The following NOVA1 variants were observed in gnomAD, a reference collection of about 807,000 sequenced individuals.
NOVA1 encodes RNA-binding protein Nova-1.
Under a neutral mutation model 38.0 loss-of-function variants are expected in NOVA1, and 7 were observed. The observed-to-expected ratio is 0.18, with a 90% CI of 0.10 to 0.35. NOVA1 has a LOEUF of 0.35. NOVA1 is among the 10% of genes least tolerant of loss of function. The pLI is 1.00. For synonymous variants in NOVA1, 270 were observed against 232.5 expected (o/e 1.16, Z -1.47); for missense variants, 460 against 616.0 (o/e 0.75, Z 2.68).
chr14:26,548,153 G>A (rs1890920211), intron 2 of NOVA1, among the ~76,000 whole-genome samples: 1 of 151,910 alleles, frequency 6.6e-6, no homozygotes, highest in Non-Finnish European at 1.5e-5. Context: ...TTATCACTCA[G>A]CATTTAATTA....
chr14:26,503,904 T>C (rs1399814901), intron 2 of NOVA1, among the ~76,000 whole-genome samples: 3 of 152,080 alleles, frequency 2.0e-5, no homozygotes, highest in African/African-American at 4.8e-5. Context: ...TGAAGTGCCC[T>C]GGTATGTTTG....
chr14:26,582,290 G>GT (rs768485104), intron 2 of NOVA1, among the ~76,000 whole-genome samples: 60 of 151,820 alleles, frequency 4.0e-4, no homozygotes, highest in Middle Eastern at 6.8e-3. Flanking sequence ...TTGCAATGCA[G>GT]TATCTACTTA....
chr14:26,457,648 G>C (rs996379567), intron 4 of NOVA1, among the ~76,000 whole-genome samples: 17 of 151,966 alleles, frequency 1.1e-4, no homozygotes, highest in African/African-American at 3.9e-4. Flanking sequence ...ACTGTTACTG[G>C]CTTATATATT....
intron 2 of NOVA1, among the ~76,000 whole-genome samples, chr14:26,494,467 G>A (rs1886602921): frequency 6.6e-6 from 1 of 152,168 alleles, no homozygotes; most frequent in South Asian, 2.1e-4. Flanking sequence ...AGGTGTAGAG[G>A]CAGACATTAA....
At chr14:26,506,922 G>A (rs995326123) in intron 2 of NOVA1, among the ~76,000 whole-genome samples, 2 of 152,038 alleles carry the variant, frequency 1.3e-5, no homozygotes, top group Admixed American at 1.3e-4. Context: ...ATTGGTATCA[G>A]ATATTTGATA....
chr14:26,495,534 T>C (rs893156666), intron 2 of NOVA1, among the ~76,000 whole-genome samples: 3 of 152,164 alleles, frequency 2.0e-5, no homozygotes, highest in African/African-American at 7.2e-5. Flanking sequence ...TTAGGGTAGA[T>C]GTGCACAATG....
intron 2 of NOVA1, among the ~76,000 whole-genome samples, chr14:26,591,718 T>C (rs555724088): frequency 2.6e-5 from 4 of 151,580 alleles, no homozygotes; most frequent in Non-Finnish European, 5.9e-5. Flanking sequence ...TTTCCCCTTT[T>C]CAAAATAAAA....
At chr14:26,463,032 CTTAA>C (rs1330813120) in intron 4 of NOVA1, among the ~76,000 whole-genome samples, 2 of 152,058 alleles carry the variant, frequency 1.3e-5, no homozygotes, top group African/African-American at 4.8e-5. Context: ...TTCTTAGCAA[CTTAA>C]TTTTCTTCAT....
Position 26,459,760 on chromosome 14 carries a change from C to T in NOVA1, c.520-10797G>A, listed in dbSNP as rs117455111. Among the ~76,000 whole-genome samples, 425 of 151,998 alleles carry T rather than the reference C, an allele frequency of 2.8e-3. 1 individual carries two copies. The highest frequency in any genetic ancestry group is 4.7e-3 in the Non-Finnish European group (321 of 67,904). On this transcript the variant is annotated intron_variant, in intron 4 of 4. Transcript: ENST00000539517. ...TATGGATTAATACTCTATGACATAA[C>T]CAAACTAAGTAACATTGGAAGTAAA...
chr14:26,498,191 C>G (rs1412508019), intron 2 of NOVA1, among the ~76,000 whole-genome samples: 1 of 151,762 alleles, frequency 6.6e-6, no homozygotes, highest in Admixed American at 6.6e-5. Context: ...TCCCGAGTAG[C>G]TGGGACTACA....
intron 3 of NOVA1, among the ~76,000 whole-genome samples, chr14:26,476,532 T>A (rs955505906): frequency 6.6e-6 from 1 of 152,124 alleles, no homozygotes; most frequent in South Asian, 2.1e-4. Flanking sequence ...TCAACAAATA[T>A]GATACCCTTC....
Position 26,447,822 on chromosome 14 carries a change from A to T in NOVA1, c.*137T>A. ...AAACACATATTATTTACATATACAC[A>T]TTGTCAACATAGTCGCATTCATTTG... On this transcript the variant is annotated 3_prime_UTR_variant, in exon 5 of 5. Transcript: ENST00000539517. 1 of 665,950 alleles carries T rather than the reference A, an allele frequency of 1.5e-6. No homozygotes were observed. Among genetic ancestry groups the T allele is most frequent in the Non-Finnish European group, 2.6e-6 (1 of 383,890 alleles). The allele number at this position is 665,950 out of a possible 1,614,324, so 41.3% of individuals were successfully genotyped here. A position where few individuals can be genotyped will look rare whatever the true frequency, so the allele number is the denominator to read the frequency against.
rs76815325 is a variant in NOVA1 at position 26,584,734 on chromosome 14, A to C, written c.280+10676T>G. 4.9e-3 allele frequency among the ~76,000 whole-genome samples: 745 copies of C among 151,534 alleles called. 4 individuals are homozygous for C. Among genetic ancestry groups the C allele is most frequent in the Middle Eastern group, 0.044 (13 of 294 alleles). ...CACTTTTGTTCACCAAGCAAATTAA[A>C]ATTCAGTCCCCAAAACCCTGTCAGC... On this transcript the variant is annotated intron_variant, in intron 2 of 4. Coordinates refer to ENST00000539517, the MANE Select transcript of NOVA1 (RefSeq NM_002515.3).
At chr14:26,502,780 T>C (rs1048760964) in intron 2 of NOVA1, among the ~76,000 whole-genome samples, 2 of 151,940 alleles carry the variant, frequency 1.3e-5, no homozygotes, top group African/African-American at 2.4e-5. Flanking sequence ...ACTCAAAAAA[T>C]AAAAATGTGC....
chr14:26,542,567 C>T (rs1233627224), intron 2 of NOVA1, among the ~76,000 whole-genome samples: 35 of 151,724 alleles, frequency 2.3e-4, no homozygotes. Flanking sequence ...CAGAACTTTA[C>T]TCCCAATAAA....
intron 2 of NOVA1, among the ~76,000 whole-genome samples, chr14:26,500,512 A>G (rs574297679): frequency 1.2e-4 from 18 of 152,154 alleles, no homozygotes; most frequent in African/African-American, 4.3e-4. Context: ...GAGAAAAAAA[A>G]AAGAGAAACA....
intron 4 of NOVA1, among the ~76,000 whole-genome samples, chr14:26,468,973 T>A (rs1884372601): frequency 6.6e-6 from 1 of 152,206 alleles, no homozygotes; most frequent in African/African-American, 2.4e-5. Context: ...TTTTGTTGAA[T>A]CTTAATGGAG....
At chr14:26,463,343 C>T (rs1247486119) in intron 4 of NOVA1, among the ~76,000 whole-genome samples, 1 of 152,156 alleles carries the variant, frequency 6.6e-6, no homozygotes, top group Non-Finnish European at 1.5e-5. Context: ...TAAACACACA[C>T]ACGTCTTGAA....
chr14:26,512,749 T>C (rs1450134215), intron 2 of NOVA1, among the ~76,000 whole-genome samples: 1 of 152,090 alleles, frequency 6.6e-6, no homozygotes, highest in Non-Finnish European at 1.5e-5. Flanking sequence ...ACATGTGGCA[T>C]AATTTGAAAA....
Sources: allele counts gnomAD v4.1 joint callset (sites outside exome capture counted in the v4.1 genomes callset), GRCh38; gene constraint gnomAD v4.1.1; transcripts MANE v1.5; gene names NCBI Gene and HGNC (gene_info 2026-07-23, HGNC 2026-07-21).